XYLT1: variants seen among roughly 807,000 people sequenced by gnomAD.
XYLT1 encodes beta-D-xylosyltransferase 1.
XYLT1 carries 36 observed loss-of-function variants against 91.3 expected under a neutral mutation model. The ratio of observed to expected loss-of-function variants is 0.39; its 90% CI spans 0.30 to 0.52. XYLT1 has a LOEUF of 0.52. XYLT1 is among the 20% of genes least tolerant of loss of function. XYLT1 has a pLI of 0.68. For synonymous variants in XYLT1, 588 were observed against 532.0 expected, an observed-to-expected ratio of 1.11 and a Z score of -1.45; for missense variants, 1,242 against 1,284.5, an observed-to-expected ratio of 0.97 and a Z score of 0.51.
intron 11 of XYLT1, among the ~76,000 whole-genome samples, chr16:17,109,911 C>G (rs181483633): frequency 6.6e-6 from 1 of 152,092 alleles, no homozygotes; most frequent in East Asian, 1.9e-4. Context: ...ATGAACTGAC[C>G]ACAGAACAAT....
chr16:17,132,681 T>C (rs1184822829), intron 9 of XYLT1, among the ~76,000 whole-genome samples: 1 of 152,144 alleles, frequency 6.6e-6, no homozygotes, highest in Non-Finnish European at 1.5e-5. Flanking sequence ...AGCGGGAGGA[T>C]TGCCTGAGGT....
chr16:17,414,971 C>T (rs1347694174), intron 1 of XYLT1, among the ~76,000 whole-genome samples: 5 of 152,218 alleles, frequency 3.3e-5, no homozygotes, highest in Non-Finnish European at 5.9e-5. Context: ...GCAGACCCCC[C>T]GCAGAGAAAA....
intron 6 of XYLT1, among the ~76,000 whole-genome samples, chr16:17,142,763 T>C (rs999475669): frequency 6.6e-6 from 1 of 152,062 alleles, no homozygotes; most frequent in Non-Finnish European, 1.5e-5. Context: ...AATTTTGAAG[T>C]AGTGGTGAGC....
At chr16:17,300,268 A>T (rs1374470709) in intron 2 of XYLT1, among the ~76,000 whole-genome samples, 1 of 152,138 alleles carries the variant, frequency 6.6e-6, no homozygotes, top group Middle Eastern at 3.2e-3. Context: ...CTAGGCATGT[A>T]ACCTTCACAT....
At chr16:17,118,574 C>G in intron 10 of XYLT1, among the ~76,000 whole-genome samples, 1 of 152,268 alleles carries the variant, frequency 6.6e-6, no homozygotes, top group East Asian at 1.9e-4. Flanking sequence ...GGACTGTAAG[C>G]ATGAGAGTCA....
intron 1 of XYLT1, among the ~76,000 whole-genome samples, chr16:17,377,983 C>T (rs1168018186): frequency 1.3e-5 from 2 of 152,276 alleles, no homozygotes; most frequent in Non-Finnish European, 1.5e-5. Context: ...AAGAAGATAC[C>T]CAGATGATCT....
At chr16:17,367,924 T>G (rs1240899435) in intron 1 of XYLT1, among the ~76,000 whole-genome samples, 2 of 152,190 alleles carry the variant, frequency 1.3e-5, no homozygotes, top group Non-Finnish European at 2.9e-5. Context: ...TGTCAGTTTT[T>G]TGATACCAAA....
At chr16:17,118,268 A>G (rs2029921255) in intron 10 of XYLT1, among the ~76,000 whole-genome samples, 1 of 137,732 alleles carries the variant, frequency 7.3e-6, no homozygotes, top group Non-Finnish European at 1.6e-5. Context: ...CATGAGCTGA[A>G]TGAGTGAATG....
chr16:17,245,799 T>C (rs76665971), intron 3 of XYLT1, among the ~76,000 whole-genome samples: 3,742 of 152,288 alleles, frequency 0.025, 143 homozygotes, highest in African/African-American at 0.08. Context: ...TGCTTTGTCA[T>C]TTTTACACTA....
At chr16:17,447,143 G>A (rs2036603039) in intron 1 of XYLT1, among the ~76,000 whole-genome samples, 1 of 152,152 alleles carries the variant, frequency 6.6e-6, no homozygotes, top group African/African-American at 2.4e-5. Context: ...GATAATTTCT[G>A]GACTCTGCCC....
chr16:17,300,793 A>G (rs1300894145), intron 2 of XYLT1, among the ~76,000 whole-genome samples: 1 of 152,044 alleles, frequency 6.6e-6, no homozygotes, highest in Non-Finnish European at 1.5e-5. Context: ...GGGCCATGAT[A>G]TATATACTGA....
chr16:17,468,145 G>C (rs963728554), intron 1 of XYLT1, among the ~76,000 whole-genome samples: 2 of 152,138 alleles, frequency 1.3e-5, no homozygotes, highest in Non-Finnish European at 2.9e-5. Flanking sequence ...GTCTCCTGGA[G>C]CTCCATGGAA....
At chr16:17,376,003 C>T (rs2035596430) in intron 1 of XYLT1, among the ~76,000 whole-genome samples, 1 of 152,248 alleles carries the variant, frequency 6.6e-6, no homozygotes, top group Admixed American at 6.5e-5. Context: ...GCGTCAGAGC[C>T]TGTACTGTTA....
chr16:17,338,777 C>G (rs112065026), intron 2 of XYLT1, among the ~76,000 whole-genome samples: 2,082 of 152,168 alleles, frequency 0.014, 44 homozygotes, highest in African/African-American at 0.048. Flanking sequence ...TAGAGACGGG[C>G]TTTCACCATA....
chr16:17,204,370 CTTAAATATA>C lies in XYLT1; in HGVS notation c.914-3725_914-3717del, dbSNP rs2032601010. On this transcript the variant is annotated intron_variant, in intron 3 of 11. Coordinates refer to ENST00000261381, the MANE Select transcript of XYLT1 (RefSeq NM_022166.4). ...CACTCCAGCAAGAGAGCTCCCTTGG[CTTAAATATA>C]AAGTCATCTTTGGGTCAGACAGTTA... 2.6e-5 allele frequency among the ~76,000 whole-genome samples: 4 copies of C among 151,078 alleles called. No individual in the cohort carries two copies. In the South Asian group the frequency reaches 8.5e-4, roughly 32 times the overall value.
At chr16:17,410,483 A>C (rs2036093389) in intron 1 of XYLT1, among the ~76,000 whole-genome samples, 1 of 152,022 alleles carries the variant, frequency 6.6e-6, no homozygotes, top group African/African-American at 2.4e-5. Flanking sequence ...ATCAGATCTC[A>C]TGAGACTCAT....
At chr16:17,173,035 TAACAAACA>T (rs34679721) in intron 5 of XYLT1, among the ~76,000 whole-genome samples, 1 of 151,066 alleles carries the variant, frequency 6.6e-6, no homozygotes, top group Non-Finnish European at 1.5e-5. Flanking sequence ...AGTGCTTTAC[TAACAAACA>T]AACAAACAAA....
intron 1 of XYLT1, among the ~76,000 whole-genome samples, chr16:17,415,950 C>T (rs144281352): frequency 7.9e-5 from 12 of 152,256 alleles, no homozygotes; most frequent in African/African-American, 2.6e-4. Flanking sequence ...CATGAAGGTC[C>T]CCAAATGGGA....
chr16:17,464,920 G>A (rs1259027751), intron 1 of XYLT1, among the ~76,000 whole-genome samples: 1 of 151,872 alleles, frequency 6.6e-6, no homozygotes, highest in Non-Finnish European at 1.5e-5. Flanking sequence ...GCCGAGGCGG[G>A]CGGATCACGA....
Sources: allele counts gnomAD v4.1 joint callset (sites outside exome capture counted in the v4.1 genomes callset), GRCh38; gene constraint gnomAD v4.1.1; transcripts MANE v1.5; gene names NCBI Gene and HGNC (gene_info 2026-07-23, HGNC 2026-07-21).